The following KCNT2 variants were observed in gnomAD, a reference collection of about 807,000 sequenced individuals.
The protein encoded by KCNT2 is potassium channel subfamily T member 2.
Under a neutral mutation model 153.8 loss-of-function variants are expected in KCNT2, and 67 were observed. That is an observed-to-expected ratio of 0.44 (90% CI 0.36 to 0.53). KCNT2 has a LOEUF of 0.53. KCNT2 is among the 20% of genes least tolerant of loss of function. The probability of loss-of-function intolerance (pLI) is 0.00; values close to 1 mark genes in which losing one functional copy is unlikely to be tolerated. For missense variants in KCNT2, 975 were observed against 1,354.8 expected (o/e 0.72, Z 4.40); for synonymous variants, 500 against 458.8 (o/e 1.09, Z -1.15).
At chr1:196,230,392 A>G (rs1321978844) in intron 27 of KCNT2, among the ~76,000 whole-genome samples, 2 of 152,026 alleles carry the variant, frequency 1.3e-5, no homozygotes, top group Non-Finnish European at 2.9e-5. Flanking sequence ...CACTTAAAAA[A>G]AAGACTTCAA....
chr1:196,563,676 C>T (rs759059265), intron 1 of KCNT2, among the ~76,000 whole-genome samples: 16 of 151,708 alleles, frequency 1.1e-4, no homozygotes, highest in African/African-American at 3.1e-4. Flanking sequence ...CATAACCAAG[C>T]GGTATTTATC....
chr1:196,519,905 CA>C (rs1653122589), intron 1 of KCNT2, among the ~76,000 whole-genome samples: 1 of 151,956 alleles, frequency 6.6e-6, no homozygotes, highest in Non-Finnish European at 1.5e-5. Flanking sequence ...GAAACTATTC[CA>C]AAAAATTGAA....
At chr1:196,289,711 G>C (rs1225167132) in intron 22 of KCNT2, among the ~76,000 whole-genome samples, 1 of 151,908 alleles carries the variant, frequency 6.6e-6, no homozygotes, top group Non-Finnish European at 1.5e-5. Context: ...TAGTTATTGG[G>C]TTTTACAATA....
intron 8 of KCNT2, among the ~76,000 whole-genome samples, chr1:196,433,806 G>A (rs988075762): frequency 4.6e-5 from 7 of 151,510 alleles, no homozygotes; most frequent in African/African-American, 1.5e-4. Context: ...TTGTCTTTAT[G>A]TATATATATA....
chr1:196,351,457 T>G (rs1666685687), intron 14 of KCNT2, among the ~76,000 whole-genome samples: 1 of 151,856 alleles, frequency 6.6e-6, no homozygotes, highest in Admixed American at 6.6e-5. Flanking sequence ...TTTTGTTCTC[T>G]TTGAAGCAAT....
chr1:196,330,179 A>C (rs1664318201), intron 18 of KCNT2, among the ~76,000 whole-genome samples: 1 of 151,044 alleles, frequency 6.6e-6, no homozygotes, highest in Non-Finnish European at 1.5e-5. Flanking sequence ...TGTTCTGTAA[A>C]TCTTCTTCCT....
At chr1:196,474,018 G>GC (rs1366987456) in intron 5 of KCNT2, among the ~76,000 whole-genome samples, 1 of 151,918 alleles carries the variant, frequency 6.6e-6, no homozygotes, top group Non-Finnish European at 1.5e-5. Context: ...TATCTCAGTG[G>GC]CCAGTCCTCT....
intron 1 of KCNT2, among the ~76,000 whole-genome samples, chr1:196,607,136 G>A (rs983270275): frequency 4.6e-5 from 7 of 152,156 alleles, no homozygotes; most frequent in Non-Finnish European, 1.0e-4. Flanking sequence ...AGCTGAAAAG[G>A]TGAAGAAAAG....
chr1:196,350,695 C>T (rs1666597456), intron 14 of KCNT2, among the ~76,000 whole-genome samples: 1 of 152,160 alleles, frequency 6.6e-6, no homozygotes, highest in Non-Finnish European at 1.5e-5. Context: ...TGTGCAGAAG[C>T]TCTTTAGTTT....
chr1:196,521,437 C>T (rs193302735), intron 1 of KCNT2, among the ~76,000 whole-genome samples: 5 of 152,106 alleles, frequency 3.3e-5, no homozygotes, highest in African/African-American at 1.2e-4. Flanking sequence ...CCCAACAATC[C>T]CATTACTGGG....
intron 11 of KCNT2, among the ~76,000 whole-genome samples, chr1:196,424,709 C>A (rs1014907356): frequency 6.6e-6 from 1 of 151,380 alleles, no homozygotes; most frequent in Admixed American, 6.6e-5. Flanking sequence ...AAAAAAAACT[C>A]CATTAAATCG....
chr1:196,328,752 T>C (rs1251449927), intron 18 of KCNT2, among the ~76,000 whole-genome samples: 1 of 151,720 alleles, frequency 6.6e-6, no homozygotes, highest in Admixed American at 6.6e-5. Context: ...TCTCCACCAA[T>C]AGAATCTCCT....
intron 22 of KCNT2, among the ~76,000 whole-genome samples, chr1:196,286,836 C>T (rs1003715195): frequency 6.6e-6 from 1 of 152,028 alleles, no homozygotes; most frequent in Non-Finnish European, 1.5e-5. Flanking sequence ...AGTTAAGCTT[C>T]TATTTAACAA....
intron 1 of KCNT2, among the ~76,000 whole-genome samples, chr1:196,580,366 G>A (rs1288361522): frequency 2.0e-5 from 3 of 152,244 alleles, no homozygotes; most frequent in Middle Eastern, 3.4e-3. Flanking sequence ...TAACTCCACA[G>A]AAGAGAACCA....
chr1:196,605,619 T>A (rs1665232390), intron 1 of KCNT2, among the ~76,000 whole-genome samples: 2 of 152,178 alleles, frequency 1.3e-5, no homozygotes, highest in African/African-American at 4.8e-5. Flanking sequence ...TACCTACTCC[T>A]ACATGAAAGA....
intron 12 of KCNT2, among the ~76,000 whole-genome samples, chr1:196,410,780 AT>A (rs1390400607): frequency 6.6e-6 from 1 of 151,454 alleles, no homozygotes; most frequent in Non-Finnish European, 1.5e-5. Context: ...CAAGAAATCA[AT>A]GCCAAGACCA....
At chr1:196,448,293 G>A (rs1675866982) in intron 8 of KCNT2, among the ~76,000 whole-genome samples, 1 of 151,530 alleles carries the variant, frequency 6.6e-6, no homozygotes, top group South Asian at 2.1e-4. Context: ...GATAATGCAA[G>A]CAAAACTCTA....
intron 12 of KCNT2, among the ~76,000 whole-genome samples, chr1:196,413,530 T>TA (rs1277474777): frequency 6.6e-6 from 1 of 151,712 alleles, no homozygotes; most frequent in African/African-American, 2.4e-5. Context: ...TAACTAGCAT[T>TA]ATGATATTAC....
chr1:196,480,821 A>G (rs1314276459), intron 4 of KCNT2, among the ~76,000 whole-genome samples: 1 of 127,640 alleles, frequency 7.8e-6, no homozygotes, highest in Admixed American at 1.0e-4. Context: ...GCACCACTGC[A>G]CTCCAGCCTG....
Sources: gnomAD v4.1 joint callset for allele counts (sites outside exome capture counted in the v4.1 genomes callset) on GRCh38, gnomAD v4.1.1 for gene constraint, MANE v1.5 for transcripts, NCBI Gene and HGNC (gene_info 2026-07-23, HGNC 2026-07-21) for gene names.